The following AKT3 variants were observed in gnomAD, a reference collection of about 807,000 sequenced individuals.
The protein encoded by AKT3 is AKT serine/threonine kinase 3, also known as RAC-gamma serine/threonine-protein kinase.
AKT3 carries 15 observed loss-of-function variants against 65.3 expected under a neutral mutation model. That is an observed-to-expected ratio of 0.23 (90% confidence interval 0.15 to 0.35). The LOEUF (loss-of-function observed/expected upper bound fraction) is 0.35. Ranked by LOEUF, AKT3 falls within the 10% of genes least tolerant of loss-of-function variation. The pLI is 1.00. For synonymous variants in AKT3, 206 were observed against 183.8 expected (o/e 1.12, Z -0.98); for missense variants, 243 against 576.5 (o/e 0.42, Z 5.92).
intron 2 of AKT3, among the ~76,000 whole-genome samples, chr1:243,840,350 C>T (rs938014273): frequency 1.3e-5 from 2 of 151,052 alleles, no homozygotes; most frequent in African/African-American, 4.9e-5. Context: ...CCAGGGCCTG[C>T]TGGGGGTGGG....
At chr1:243,494,233 T>A (rs574684807) in intron 13 of AKT3, among the ~76,000 whole-genome samples, 1 of 152,356 alleles carries the variant, frequency 6.6e-6, no homozygotes, top group Admixed American at 6.5e-5. Flanking sequence ...TTTTTGTTTT[T>A]ATCCTGATTT....
chr1:243,850,193 C>G lies in AKT3; in HGVS notation c.-266G>C, dbSNP rs376993545. 235 of 157,676 alleles carry G rather than the reference C, an allele frequency of 1.5e-3. 3 individuals are homozygous for G. The East Asian group carries it at 0.039, about 26-fold the overall frequency. 9.8% of individuals were successfully genotyped at this position (157,676 alleles called of 1,614,324 possible). A position where few individuals can be genotyped will look rare whatever the true frequency, so the allele number is the denominator to read the frequency against. On this transcript the variant is annotated 5_prime_UTR_variant, in exon 1 of 14. Transcript: ENST00000673466. The stretch of plus-strand genomic sequence containing the variant: ...GTCCTCCCCCCACCCCACAGAGCCT[C>G]TGGCCTCCTGGAGCCCGGTGCGGCC...
At position 243,826,985 on chromosome 1, in the gene AKT3, T is replaced by C. The variant is rs531714110; in HGVS notation, c.46+16140A>G. ...ATAACTTCTCTTAACAATTTTTATA[T>C]AAATTAATAAAATACATGCATTTCA... is the stretch of plus-strand genomic sequence containing the variant. On this transcript the variant is annotated intron_variant, in intron 2 of 13. Coordinates refer to ENST00000673466, the MANE Select transcript of AKT3 (RefSeq NM_005465.7). Among the ~76,000 whole-genome samples the C allele has an allele frequency of 3.3e-5, 5 of 152,214 alleles. No homozygotes were observed. In the South Asian group the frequency reaches 8.3e-4, roughly 25 times the overall value.
chr1:243,815,683 C>A (rs1693468111), intron 2 of AKT3, among the ~76,000 whole-genome samples: 1 of 151,832 alleles, frequency 6.6e-6, no homozygotes, highest in South Asian at 2.1e-4. Flanking sequence ...CTGCAACCCC[C>A]ACCTCCCAGG....
At chr1:243,512,464 T>C in intron 12 of AKT3, 38 bp from the exon 13 acceptor site, 1 of 1,267,118 alleles carries the variant, frequency 7.9e-7, no homozygotes, top group Admixed American at 2.2e-5. Flanking sequence ...TTAACTGATT[T>C]CAATTCAGGA....
intron 9 of AKT3, among the ~76,000 whole-genome samples, chr1:243,571,518 A>C (rs1674563011): frequency 6.6e-6 from 1 of 152,094 alleles, no homozygotes; most frequent in Admixed American, 6.6e-5. Context: ...AATTTCCTTA[A>C]ATCTAAGCCT....
chr1:243,792,969 T>A (rs1691722847), intron 2 of AKT3, among the ~76,000 whole-genome samples: 1 of 152,126 alleles, frequency 6.6e-6, no homozygotes, highest in South Asian at 2.1e-4. Flanking sequence ...ATATCACAGG[T>A]CATCTAATGT....
intron 3 of AKT3, among the ~76,000 whole-genome samples, chr1:243,692,293 G>A (rs1378505023): frequency 6.6e-6 from 1 of 152,080 alleles, no homozygotes; most frequent in African/African-American, 2.4e-5. Context: ...TATACCCAGA[G>A]GGAAGGAATA....
At chr1:243,571,294 C>T (rs573880848) in intron 9 of AKT3, among the ~76,000 whole-genome samples, 11 of 152,066 alleles carry the variant, frequency 7.2e-5, no homozygotes, top group South Asian at 2.1e-4. Context: ...TCCAGCCTGG[C>T]GACAGAGCGA....
chr1:243,583,433 A>T (rs913583676), intron 8 of AKT3, among the ~76,000 whole-genome samples: 2 of 150,952 alleles, frequency 1.3e-5, no homozygotes, highest in South Asian at 4.2e-4. Context: ...AACCTGAAAA[A>T]CATCTACAGA....
chr1:243,775,879 C>T (rs191288673), intron 2 of AKT3, among the ~76,000 whole-genome samples: 2 of 152,104 alleles, frequency 1.3e-5, no homozygotes, highest in Admixed American at 1.3e-4. Context: ...TCAATTAAAT[C>T]AGAGAAAAGA....
chr1:243,563,011 G>C (rs916188549), intron 10 of AKT3, among the ~76,000 whole-genome samples: 2 of 151,984 alleles, frequency 1.3e-5, no homozygotes, highest in Non-Finnish European at 2.9e-5. Context: ...ATTTAATCTT[G>C]CTTTTTTGTT....
At chr1:243,635,425 T>A (rs1325088198) in intron 6 of AKT3, among the ~76,000 whole-genome samples, 1 of 151,466 alleles carries the variant, frequency 6.6e-6, no homozygotes, top group Non-Finnish European at 1.5e-5. Flanking sequence ...AAAATAAAGA[T>A]TAAAGCAAAG....
Position 243,505,225 on chromosome 1 carries a change from G to A in AKT3, c.*24C>T, listed in dbSNP as rs761768321. On this transcript the variant is annotated 3_prime_UTR_variant, in exon 14 of 14. Transcript: ENST00000673466. ...TTTCAGTAATAAATTGAAGATGACA[G>A]TGAAGTAGCAGAATGAAAGAGACTT... 3.8e-6 allele frequency: 6 copies of A among 1,589,656 alleles called. No homozygotes were observed. The highest frequency in any genetic ancestry group is 4.3e-6 in the Non-Finnish European group (5 of 1,157,860).
intron 4 of AKT3, among the ~76,000 whole-genome samples, chr1:243,660,669 C>A (rs1397348749): frequency 6.6e-6 from 1 of 152,212 alleles, no homozygotes; most frequent in African/African-American, 2.4e-5. Context: ...GATGCCCTCT[C>A]TCACCACTCC....
chr1:243,489,241 G>A, intron 13 of AKT3: 1 of 1,458,008 alleles, frequency 6.9e-7, no homozygotes, highest in Non-Finnish European at 9.3e-7. Flanking sequence ...GGATCACATC[G>A]GTTAGCAGTA....
chr1:243,663,833 T>C lies in AKT3; in HGVS notation c.284+939A>G, dbSNP rs547561200. Reference sequence around the variant, plus strand: ...ATGGTGGTTTTGTGACTGTGGTCACTGGACCTAACTCAGTATCAGAGTGAG... The same window carrying C: ...ATGGTGGTTTTGTGACTGTGGTCACCGGACCTAACTCAGTATCAGAGTGAG... On this transcript the variant is annotated intron_variant, in intron 4 of 13. Transcript: ENST00000673466. Among the ~76,000 whole-genome samples, 12 of 152,324 alleles carry C rather than the reference T, an allele frequency of 7.9e-5. No individual in the cohort carries two copies. In the South Asian group the frequency reaches 2.5e-3, roughly 32 times the overall value.
At chr1:243,833,002 G>A (rs1694635845) in intron 2 of AKT3, among the ~76,000 whole-genome samples, 1 of 152,096 alleles carries the variant, frequency 6.6e-6, no homozygotes, top group Admixed American at 6.6e-5. Context: ...GCTCACACCT[G>A]TAAATCCAGC....
At chr1:243,623,352 G>A (rs1298439881) in intron 6 of AKT3, among the ~76,000 whole-genome samples, 1 of 152,144 alleles carries the variant, frequency 6.6e-6, no homozygotes, top group Non-Finnish European at 1.5e-5. Context: ...CATCACAGAT[G>A]CACTTATGTG....
Sources: gnomAD v4.1 joint callset for allele counts (sites outside exome capture counted in the v4.1 genomes callset) on GRCh38, gnomAD v4.1.1 for gene constraint, MANE v1.5 for transcripts, NCBI Gene and HGNC (gene_info 2026-07-23, HGNC 2026-07-21) for gene names.